The following GLIS3 variants were observed in gnomAD, a reference collection of about 807,000 sequenced individuals.
GLIS3 encodes the protein zinc finger protein GLIS3.
In GLIS3, 53 loss-of-function variants were observed where a neutral mutation model predicts 78.6. That is an observed-to-expected ratio of 0.67 (90% CI 0.54 to 0.85). The LOEUF (loss-of-function observed/expected upper bound fraction) is 0.85, where lower values mean the gene tolerates loss of function less well. GLIS3 is among the 40% of genes least tolerant of loss of function. The pLI is 0.00. For synonymous variants in GLIS3, 684 were observed against 509.9 expected (o/e 1.34, Z -4.60); for missense variants, 1,703 against 1,231.1 (o/e 1.38, Z -5.74).
chr9:4,284,754 A>G (rs1387104420), intron 2 of GLIS3, among the ~76,000 whole-genome samples: 1 of 151,766 alleles, frequency 6.6e-6, no homozygotes, highest in Admixed American at 6.6e-5. Context: ...CAAAAAAAAA[A>G]AAAGAAAAAA....
chr9:3,829,158 A>T, intron 10 of GLIS3, 152 bp downstream of exon 10: 1 of 672,510 alleles, frequency 1.5e-6, no homozygotes, highest in Non-Finnish European at 2.7e-6. Flanking sequence ...GCTGGAGGGG[A>T]AGGTGGAGAT....
intron 4 of GLIS3, among the ~76,000 whole-genome samples, chr9:3,949,660 TG>T (rs1455399822): frequency 2.6e-5 from 4 of 152,222 alleles, no homozygotes; most frequent in African/African-American, 4.8e-5. Flanking sequence ...AAAAGAAAGA[TG>T]TTTTCGAAGT....
intron 4 of GLIS3, among the ~76,000 whole-genome samples, chr9:3,975,440 G>A (rs762305871): frequency 3.3e-5 from 5 of 152,290 alleles, no homozygotes; most frequent in Non-Finnish European, 7.4e-5. Context: ...AGCCATTACT[G>A]CTGTATCTGT....
intron 2 of GLIS3, among the ~76,000 whole-genome samples, chr9:4,172,407 C>T (rs1014667848): frequency 2.6e-5 from 4 of 152,084 alleles, no homozygotes; most frequent in Non-Finnish European, 4.4e-5. Flanking sequence ...AGCAGTTTCT[C>T]CTTGTTTTGT....
At chr9:4,229,202 A>C (rs1272286622) in intron 2 of GLIS3, among the ~76,000 whole-genome samples, 1 of 152,260 alleles carries the variant, frequency 6.6e-6, no homozygotes, top group Non-Finnish European at 1.5e-5. Context: ...CTGAGGAGGA[A>C]GCCTGAAGGC....
intron 5 of GLIS3, 115 bp downstream of exon 5, chr9:3,936,913 A>C: frequency 7.1e-7 from 1 of 1,412,712 alleles, no homozygotes; most frequent in Non-Finnish European, 1.0e-6. Context: ...TGCCCTTGGC[A>C]TTGTCCCTGT....
At chr9:3,990,612 G>T (rs947670504) in intron 4 of GLIS3, among the ~76,000 whole-genome samples, 1 of 152,150 alleles carries the variant, frequency 6.6e-6, no homozygotes, top group Non-Finnish European at 1.5e-5. Context: ...CCTGAGGATT[G>T]TGTGAATCCC....
the GLIS3 span, among the ~76,000 whole-genome samples, chr9:4,370,183 CAAA>C: frequency 2.3e-5 from 2 of 88,376 alleles, no homozygotes; most frequent in Non-Finnish European, 4.2e-5. Flanking sequence ...GACTCCATCT[CAAA>C]AAAAAAAAAA....
Position 4,298,281 on chromosome 9 carries a change from C to T in GLIS3, c.-99+1140G>A, listed in dbSNP as rs984201132. 2.0e-5 allele frequency: 9 copies of T among 442,940 alleles called. No homozygotes were observed. In the East Asian group the frequency reaches 6.7e-4, roughly 33 times the overall value. 27.4% of individuals were successfully genotyped at this position (442,940 alleles called of 1,614,324 possible). Reference sequence around the variant, plus strand: ...TCCCCGCCGAGCCAGTGTCCTCACCCTGTGGTTTCCTTTCGCTTCTCGCCT... The same window carrying T: ...TCCCCGCCGAGCCAGTGTCCTCACCTTGTGGTTTCCTTTCGCTTCTCGCCT... On this transcript the variant is annotated intron_variant, in intron 1 of 10. Transcript: ENST00000381971.
intron 4 of GLIS3, among the ~76,000 whole-genome samples, chr9:4,024,562 T>C (rs188324254): frequency 2.6e-5 from 4 of 152,270 alleles, no homozygotes; most frequent in African/African-American, 9.6e-5. Context: ...CTCCTGTTTT[T>C]CACAATGATT....
the GLIS3 span, among the ~76,000 whole-genome samples, chr9:4,465,413 G>C: frequency 6.6e-6 from 1 of 152,154 alleles, no homozygotes; most frequent in South Asian, 2.1e-4. Context: ...GCCATGCATG[G>C]TGACACGCAA....
intron 2 of GLIS3, among the ~76,000 whole-genome samples, chr9:4,243,515 A>T (rs1028543109): frequency 2.0e-5 from 3 of 152,236 alleles, no homozygotes; most frequent in African/African-American, 7.2e-5. Flanking sequence ...TTAATTTCGC[A>T]TTCTCTCTAC....
At chr9:4,424,279 G>A in the GLIS3 span, among the ~76,000 whole-genome samples, 1 of 152,148 alleles carries the variant, frequency 6.6e-6, no homozygotes, top group Non-Finnish European at 1.5e-5. Flanking sequence ...TGTTTTCACT[G>A]TGTATTTTTA....
At chr9:4,192,683 T>G (rs1490585664) in intron 2 of GLIS3, among the ~76,000 whole-genome samples, 1 of 152,116 alleles carries the variant, frequency 6.6e-6, no homozygotes, top group Non-Finnish European at 1.5e-5. Context: ...GAGCCTACTT[T>G]AGCAGGGCCC....
At chr9:4,317,526 T>A (rs374189148) in intron 2 of GLIS3, among the ~76,000 whole-genome samples, 1 of 152,190 alleles carries the variant, frequency 6.6e-6, no homozygotes, top group Non-Finnish European at 1.5e-5. Context: ...AAAATCCCTA[T>A]GAAATAACAA....
intron 4 of GLIS3, among the ~76,000 whole-genome samples, chr9:3,951,848 AC>A (rs1816707358): frequency 7.2e-6 from 1 of 138,984 alleles, no homozygotes; most frequent in African/African-American, 2.9e-5. Context: ...ATGAACACAC[AC>A]ACACACACAC....
At chr9:4,455,700 G>C in the GLIS3 span, among the ~76,000 whole-genome samples, 1 of 152,122 alleles carries the variant, frequency 6.6e-6, no homozygotes, top group Admixed American at 6.6e-5. Flanking sequence ...TGTGTTGATT[G>C]TTTCTTTCCA....
chr9:4,235,268 C>T (rs1822619188), intron 2 of GLIS3, among the ~76,000 whole-genome samples: 1 of 141,444 alleles, frequency 7.1e-6, no homozygotes. Context: ...TACTGCACTC[C>T]AGGCTGGGCG....
chr9:4,397,956 T>A, the GLIS3 span, among the ~76,000 whole-genome samples: 1 of 152,058 alleles, frequency 6.6e-6, no homozygotes, highest in African/African-American at 2.4e-5. Context: ...CCATTCACAC[T>A]GTTCCCCGTC....
Sources: gnomAD v4.1 joint callset for allele counts (sites outside exome capture counted in the v4.1 genomes callset) on GRCh38, gnomAD v4.1.1 for gene constraint, MANE v1.5 for transcripts, NCBI Gene and HGNC (gene_info 2026-07-23, HGNC 2026-07-21) for gene names.